Variants in LGR6 observed in about 807,000 individuals in gnomAD.
LGR6 encodes leucine rich repeat containing G protein-coupled receptor 6.
In LGR6, 45 loss-of-function variants were observed where a neutral mutation model predicts 69.4. The ratio of observed to expected loss-of-function variants is 0.65; its 90% CI spans 0.51 to 0.83. The LOEUF is 0.83. Ranked by LOEUF, LGR6 falls within the 40% of genes least tolerant of loss-of-function variation. The pLI, the probability that LGR6 is intolerant of heterozygous loss-of-function variation, is 0.00. For synonymous variants in LGR6, 538 were observed against 555.0 expected (o/e 0.97, Z 0.43); for missense variants, 1,108 against 1,246.7 (o/e 0.89, Z 1.68).
At chr1:202,282,741 C>T (rs1390470758) in intron 6 of LGR6, among the ~76,000 whole-genome samples, 1 of 152,234 alleles carries the variant, frequency 6.6e-6, no homozygotes, top group Non-Finnish European at 1.5e-5. Flanking sequence ...ACTTTTGGGG[C>T]ACACTGCCTA....
chr1:202,301,182 A>C lies in LGR6; in HGVS notation c.876A>C (p.Pro292=), dbSNP rs1165926525. 1 of 1,614,212 alleles carries C rather than the reference A, an allele frequency of 6.2e-7. No individual in the cohort carries two copies. Among genetic ancestry groups the C allele is most frequent in the Non-Finnish European group, 8.5e-7 (1 of 1,180,028 alleles). The part of the protein sequence containing the change: ...LLQTIHFYDN[P]IQFVGRSAFQ... ...CTTCCAGACACTTTTATGATAACCC[A>C]ATCCAGTTTGTGGGAAGATCGGCAT... Residue 292 remains proline, a synonymous_variant, in exon 9 of 18, where the codon CCA becomes CCC. Coordinates refer to ENST00000367278, the MANE Select transcript of LGR6 (RefSeq NM_001017403.2).
intron 4 of LGR6, among the ~76,000 whole-genome samples, chr1:202,257,248 T>A (rs1259147217): frequency 6.6e-6 from 1 of 152,214 alleles, no homozygotes; most frequent in African/African-American, 2.4e-5. Context: ...ATTCTGTCTT[T>A]TGTCTTTTTC....
At position 202,304,567 on chromosome 1, in the gene LGR6, C is replaced by T. The variant is rs1443089065; in HGVS notation, c.1007C>T (p.Thr336Ile). ...CTCTGTTCTCCCTGCAGGACCCTGA[C>T]CCGCGCAGGCATCCGGCTGCTCCCA... ...GTTSLEILTLTRAGIRLLPSG... is the reference protein window; with the variant it reads ...GTTSLEILTLIRAGIRLLPSG... Residue 336 changes from threonine to isoleucine, a missense_variant, in exon 11 of 18, where the codon ACC becomes ATC. Physicochemically the swap from Thr to Ile is moderately conservative, Grantham distance 89. Coordinates refer to ENST00000367278, the MANE Select transcript of LGR6 (RefSeq NM_001017403.2). 1.9e-6 allele frequency: 3 copies of T among 1,608,794 alleles called. No homozygotes were observed. The highest frequency in any genetic ancestry group is 1.3e-5 in the African/African-American group (1 of 74,866).
chr1:202,236,537 G>A (rs1328448172), intron 4 of LGR6, among the ~76,000 whole-genome samples: 1 of 152,172 alleles, frequency 6.6e-6, no homozygotes, highest in Non-Finnish European at 1.5e-5. Flanking sequence ...GTCCAGCAGG[G>A]GCATCGTGGA....
intron 6 of LGR6, among the ~76,000 whole-genome samples, chr1:202,291,380 GA>G (rs1307130352): frequency 6.6e-6 from 1 of 152,216 alleles, no homozygotes; most frequent in African/African-American, 2.4e-5. Flanking sequence ...ATCCTGCAAT[GA>G]AAGATACACA....
At chr1:202,300,204 C>T (rs1667479746) in intron 7 of LGR6, among the ~76,000 whole-genome samples, 1 of 152,228 alleles carries the variant, frequency 6.6e-6, no homozygotes, top group African/African-American at 2.4e-5. Context: ...CCAGGGCTCT[C>T]ACGACAAATG....
chr1:202,202,420 A>G (rs550299511), intron 1 of LGR6, among the ~76,000 whole-genome samples: 43 of 152,342 alleles, frequency 2.8e-4, no homozygotes, highest in African/African-American at 1.0e-3. Context: ...AGCCATCCCA[A>G]GGGATAGGAG....
At chr1:202,251,257 C>G (rs1039277062) in intron 4 of LGR6, among the ~76,000 whole-genome samples, 19 of 152,076 alleles carry the variant, frequency 1.2e-4, no homozygotes, top group Non-Finnish European at 2.9e-5. Context: ...AGAGCCTGCA[C>G]GCTCGTATGT....
At chr1:202,238,748 T>G (rs1479191377) in intron 4 of LGR6, among the ~76,000 whole-genome samples, 8 of 151,070 alleles carry the variant, frequency 5.3e-5, no homozygotes, top group African/African-American at 1.9e-4. Flanking sequence ...TTAAACAAAA[T>G]TTTTTGAGGT....
chr1:202,213,211 C>T (rs769438675), intron 1 of LGR6, among the ~76,000 whole-genome samples: 5 of 152,194 alleles, frequency 3.3e-5, no homozygotes, highest in Non-Finnish European at 5.9e-5. Context: ...TGCCCAGTAA[C>T]AGCCCCGATG....
At chr1:202,206,082 G>A (rs1212799829) in intron 1 of LGR6, among the ~76,000 whole-genome samples, 2 of 152,226 alleles carry the variant, frequency 1.3e-5, no homozygotes, top group African/African-American at 4.8e-5. Context: ...CTTCCTCTCA[G>A]CTCCAGATCT....
At chr1:202,256,289 G>T (rs1291408123) in intron 4 of LGR6, among the ~76,000 whole-genome samples, 1 of 151,946 alleles carries the variant, frequency 6.6e-6, no homozygotes. Context: ...AGCCACCCAG[G>T]CTGGAGTGCA....
chr1:202,197,528 G>A, intron 1 of LGR6: 1 of 517,112 alleles, frequency 1.9e-6, no homozygotes, highest in South Asian at 1.5e-5. Context: ...AGACCAAGAG[G>A]GAGATGGAGC....
chr1:202,306,527 GGT>G, intron 12 of LGR6, among the ~76,000 whole-genome samples: 1 of 152,278 alleles, frequency 6.6e-6, no homozygotes, highest in East Asian at 1.9e-4. Flanking sequence ...TGGGTTGGGC[GGT>G]GCTCTGCTTC....
At chr1:202,218,341 C>A (rs1659921261) in intron 1 of LGR6, among the ~76,000 whole-genome samples, 1 of 152,060 alleles carries the variant, frequency 6.6e-6, no homozygotes. Context: ...GTCTGTTGTC[C>A]AGCCTGGAGT....
At chr1:202,256,320 T>C (rs1377974265) in intron 4 of LGR6, among the ~76,000 whole-genome samples, 2 of 152,210 alleles carry the variant, frequency 1.3e-5, no homozygotes, top group Non-Finnish European at 2.9e-5. Context: ...CTTGGCTCAC[T>C]GCAACCACTG....
At chr1:202,265,265 G>C (rs1399078362) in intron 4 of LGR6, among the ~76,000 whole-genome samples, 3 of 152,122 alleles carry the variant, frequency 2.0e-5, no homozygotes, top group Admixed American at 6.5e-5. Context: ...CATGCTCTCT[G>C]TCACCATGGG....
chr1:202,299,495 G>C (rs1365384266), intron 7 of LGR6, among the ~76,000 whole-genome samples: 2 of 151,578 alleles, frequency 1.3e-5, no homozygotes, highest in South Asian at 2.1e-4. Flanking sequence ...TATGGGAGGG[G>C]GTGTACCTGT....
chr1:202,278,651 CT>C (rs1214189210), intron 5 of LGR6, among the ~76,000 whole-genome samples: 1 of 151,978 alleles, frequency 6.6e-6, no homozygotes, highest in Non-Finnish European at 1.5e-5. Flanking sequence ...TGTCCAGGGA[CT>C]ACAGGATGAG....
Sources: allele counts gnomAD v4.1 joint callset (sites outside exome capture counted in the v4.1 genomes callset), GRCh38; gene constraint gnomAD v4.1.1; transcripts MANE v1.5; gene names NCBI Gene and HGNC (gene_info 2026-07-23, HGNC 2026-07-21).